MYT1L: variants seen among roughly 807,000 people sequenced by gnomAD.
The protein encoded by MYT1L is myelin transcription factor 1-like protein.
MYT1L carries 12 observed loss-of-function variants against 126.7 expected under a neutral mutation model. That is an observed-to-expected ratio of 0.09 (90% confidence interval 0.06 to 0.15). The LOEUF (loss-of-function observed/expected upper bound fraction) is 0.15, where lower values mean the gene tolerates loss of function less well. Among genes scored for constraint, MYT1L ranks in the 10% least tolerant of loss-of-function variants. The pLI, the probability that MYT1L is intolerant of heterozygous loss-of-function variation, is 1.00. For synonymous variants in MYT1L, 541 were observed against 604.2 expected, an observed-to-expected ratio of 0.90 and a Z score of 1.53; for missense variants, 979 against 1,585.2, an observed-to-expected ratio of 0.62 and a Z score of 6.49.
chr2:1,841,161 T>C (rs1465130713), intron 19 of MYT1L: 1 of 160,918 alleles, frequency 6.2e-6, no homozygotes, highest in African/African-American at 3.1e-5. Flanking sequence ...CACCTCGGCC[T>C]CTTTTTTTTT....
chr2:1,942,572 G>C (rs1482008940), intron 9 of MYT1L, among the ~76,000 whole-genome samples: 1 of 152,182 alleles, frequency 6.6e-6, no homozygotes, highest in Non-Finnish European at 1.5e-5. Flanking sequence ...CCCCTGAGGA[G>C]GTACCTGGGC....
At chr2:2,273,899 T>C (rs2095312047) in intron 2 of MYT1L, among the ~76,000 whole-genome samples, 1 of 152,218 alleles carries the variant, frequency 6.6e-6, no homozygotes, top group African/African-American at 2.4e-5. Context: ...TTCTTCTTGG[T>C]ATTTTTAAAT....
At chr2:1,897,553 C>T (rs2148916385) in intron 14 of MYT1L, among the ~76,000 whole-genome samples, 1 of 152,180 alleles carries the variant, frequency 6.6e-6, no homozygotes, top group South Asian at 2.1e-4. Context: ...ATCTCTGCCT[C>T]TCAGGCTCAC....
chr2:2,029,335 C>G (rs1234855458), intron 4 of MYT1L, among the ~76,000 whole-genome samples: 1 of 152,204 alleles, frequency 6.6e-6, no homozygotes, highest in Non-Finnish European at 1.5e-5. Context: ...AATGGACTCA[C>G]AGTTCCACAT....
At chr2:2,121,269 C>G (rs1007793491) in intron 3 of MYT1L, among the ~76,000 whole-genome samples, 1 of 152,078 alleles carries the variant, frequency 6.6e-6, no homozygotes, top group Non-Finnish European at 1.5e-5. Context: ...CCTCCCGGGT[C>G]CGGGTTCAAG....
chr2:2,102,311 T>C (rs192122998), intron 3 of MYT1L, among the ~76,000 whole-genome samples: 6 of 152,350 alleles, frequency 3.9e-5, no homozygotes, highest in Admixed American at 2.0e-4. Flanking sequence ...AGTTTAATAA[T>C]TAGTTCAAGA....
At chr2:2,041,628 G>A (rs72767353) in intron 4 of MYT1L, among the ~76,000 whole-genome samples, 3,090 of 152,250 alleles carry the variant, frequency 0.02, 52 homozygotes, top group Middle Eastern at 0.048. Flanking sequence ...GAAGGAGCCC[G>A]TCCCCCATGG....
At chr2:2,175,247 A>G (rs2090598871) in intron 2 of MYT1L, among the ~76,000 whole-genome samples, 1 of 152,150 alleles carries the variant, frequency 6.6e-6, no homozygotes, top group Non-Finnish European at 1.5e-5. Flanking sequence ...GATGGAAAGA[A>G]GCCAGCTCCT....
chr2:1,818,339 G>GT (rs1026298274), intron 21 of MYT1L, among the ~76,000 whole-genome samples: 3 of 152,194 alleles, frequency 2.0e-5, no homozygotes, highest in African/African-American at 7.2e-5. Flanking sequence ...CTGCGATTCA[G>GT]TATCCTCTGA....
chr2:2,043,625 A>G (rs6759709), intron 4 of MYT1L, among the ~76,000 whole-genome samples: 41,522 of 151,838 alleles, frequency 0.27, 5,994 homozygotes, highest in African/African-American at 0.36. Context: ...CTCCTCCCCC[A>G]ATGGGTCCAT....
intron 1 of MYT1L, among the ~76,000 whole-genome samples, chr2:2,301,435 A>G (rs2095783730): frequency 6.6e-6 from 1 of 152,200 alleles, no homozygotes. Flanking sequence ...CAGCCTTATT[A>G]TGTGTCAGGC....
chr2:1,872,069 A>G (rs948107740), intron 18 of MYT1L, among the ~76,000 whole-genome samples: 3 of 152,166 alleles, frequency 2.0e-5, no homozygotes, highest in Admixed American at 6.5e-5. Flanking sequence ...AGGTGGAGCT[A>G]GTGTGTACCT....
intron 2 of MYT1L, among the ~76,000 whole-genome samples, chr2:2,233,670 C>T (rs6760761): frequency 0.48 from 72,405 of 152,058 alleles, 17,634 homozygotes; most frequent in East Asian, 0.64. Flanking sequence ...GAGAGCGGAA[C>T]CAGCCATATC....
chr2:2,309,604 T>C (rs2095922479), intron 1 of MYT1L, among the ~76,000 whole-genome samples: 1 of 150,296 alleles, frequency 6.7e-6, no homozygotes, highest in Non-Finnish European at 1.5e-5. Flanking sequence ...CAGTGTACTC[T>C]ATCATCTACA....
intron 2 of MYT1L, among the ~76,000 whole-genome samples, chr2:2,189,935 C>T (rs1409243041): frequency 1.3e-5 from 2 of 151,952 alleles, no homozygotes; most frequent in East Asian, 3.9e-4. Flanking sequence ...CGGGGAGAAG[C>T]GCCTTCTCGG....
chr2:2,079,786 T>G (rs905297469), intron 3 of MYT1L, among the ~76,000 whole-genome samples: 6 of 150,668 alleles, frequency 4.0e-5, no homozygotes, highest in Non-Finnish European at 7.4e-5. Flanking sequence ...CACTCCAGCC[T>G]GGGCAACAGA....
At position 1,917,602 on chromosome 2, in the gene MYT1L, T is replaced by A. The variant is rs1428051984; in HGVS notation, c.1484-263A>T. Among the ~76,000 whole-genome samples, 2 of 152,196 alleles carry A rather than the reference T, an allele frequency of 1.3e-5. No individual in the cohort carries two copies. Among genetic ancestry groups the A allele is most frequent in the African/African-American group, 4.8e-5 (2 of 41,446 alleles). On this transcript the variant is annotated intron_variant, in intron 10 of 24. Transcript: ENST00000647738. The surrounding 1 kb of genome is among the most constrained non-coding windows in gnomAD (Gnocchi z 5.9). Reference sequence around the variant, plus strand: ...GCCTACCCCTCACCTTAACTCTGATTCATTATTTTCCCGTGTGTTACATGA... The same window carrying A: ...GCCTACCCCTCACCTTAACTCTGATACATTATTTTCCCGTGTGTTACATGA...
intron 4 of MYT1L, among the ~76,000 whole-genome samples, chr2:2,006,961 A>C (rs1442880725): frequency 6.6e-6 from 1 of 152,044 alleles, no homozygotes; most frequent in African/African-American, 2.4e-5. Flanking sequence ...TATATTACGT[A>C]GTATAATATT....
chr2:2,304,844 G>T (rs975680456), intron 1 of MYT1L, among the ~76,000 whole-genome samples: 2 of 152,292 alleles, frequency 1.3e-5, no homozygotes, highest in South Asian at 2.1e-4. Context: ...GAAAGAGCAG[G>T]CATGGCATTA....
Sources: gnomAD v4.1 joint callset for allele counts (sites outside exome capture counted in the v4.1 genomes callset) on GRCh38, gnomAD v4.1.1 for gene constraint, Gnocchi (gnomAD v3.1) non-coding constraint, MANE v1.5 for transcripts, NCBI Gene and HGNC (gene_info 2026-07-23, HGNC 2026-07-21) for gene names.